MBD5: variants seen among roughly 807,000 people sequenced by gnomAD.
The protein encoded by MBD5 is methyl-CpG-binding domain protein 5.
MBD5 carries 13 observed loss-of-function variants against 117.3 expected under a neutral mutation model. That is an observed-to-expected ratio of 0.11 (90% CI 0.07 to 0.18). MBD5 has a LOEUF of 0.18. Ranked by LOEUF, MBD5 falls within the 10% of genes least tolerant of loss-of-function variation. The pLI, the probability that MBD5 is intolerant of heterozygous loss-of-function variation, is 1.00. For synonymous variants in MBD5, 727 were observed against 766.4 expected, an observed-to-expected ratio of 0.95 and a Z score of 0.85; for missense variants, 1,879 against 2,093.8, an observed-to-expected ratio of 0.90 and a Z score of 2.00.
intron 4 of MBD5, among the ~76,000 whole-genome samples, chr2:148,381,577 G>A (rs1349462399): frequency 6.6e-6 from 1 of 152,128 alleles, no homozygotes; most frequent in Non-Finnish European, 1.5e-5. Context: ...AGCAAGGCAG[G>A]CCAACATTCA....
chr2:148,079,623 C>T (rs945923143), intron 1 of MBD5, among the ~76,000 whole-genome samples: 9 of 114,428 alleles, frequency 7.9e-5, no homozygotes, highest in African/African-American at 3.5e-4. Context: ...CTTTGGGAGG[C>T]CTAGGCGGGT....
chr2:148,220,147 T>C (rs768101487), intron 2 of MBD5: 27 of 152,192 alleles, frequency 1.8e-4, no homozygotes, highest in Admixed American at 5.9e-4. Context: ...CTGTAGTTTA[T>C]ATAAATACTG....
At chr2:148,157,082 G>T (rs922499446) in intron 1 of MBD5, among the ~76,000 whole-genome samples, 2 of 151,912 alleles carry the variant, frequency 1.3e-5, no homozygotes, top group African/African-American at 2.4e-5. Context: ...AAATAATTTT[G>T]TAAGTTATTA....
At chr2:148,150,711 T>C (rs1035804921) in intron 1 of MBD5, among the ~76,000 whole-genome samples, 2 of 152,152 alleles carry the variant, frequency 1.3e-5, no homozygotes, top group African/African-American at 4.8e-5. Context: ...CAATTGTGAA[T>C]GGGAGTTCCC....
intron 4 of MBD5, among the ~76,000 whole-genome samples, chr2:148,439,032 C>T (rs1706237724): frequency 6.6e-6 from 1 of 152,102 alleles, no homozygotes; most frequent in Admixed American, 6.6e-5. Context: ...CAACCTGGCA[C>T]CCAAACACAT....
At chr2:148,451,661 A>G (rs1473060381) in intron 4 of MBD5, among the ~76,000 whole-genome samples, 3 of 152,156 alleles carry the variant, frequency 2.0e-5, no homozygotes, top group Admixed American at 2.0e-4. Context: ...TAGTAATGCT[A>G]TTATTTTTAA....
chr2:148,132,450 A>C (rs919578171), intron 1 of MBD5, among the ~76,000 whole-genome samples: 1 of 151,518 alleles, frequency 6.6e-6, no homozygotes, highest in African/African-American at 2.4e-5. Context: ...ATGAATCTTA[A>C]GTGAAGTACG....
At chr2:148,043,968 G>A (rs564926970) in intron 1 of MBD5, among the ~76,000 whole-genome samples, 1 of 152,212 alleles carries the variant, frequency 6.6e-6, no homozygotes, top group East Asian at 1.9e-4. Context: ...AATAATTGAG[G>A]TCGGATCCAG....
Position 148,483,105 on chromosome 2 carries a change from T to G in MBD5, c.2519-5T>G, listed in dbSNP as rs750649661. On this transcript the variant is annotated splice_polypyrimidine_tract_variant and splice_region_variant and intron_variant, in intron 8 of 13. Coordinates refer to ENST00000642680, the MANE Select transcript of MBD5 (RefSeq NM_001378120.1). ...GGTTTTGTGTTTTTTTTTTTTTCAT[T>G]TTAGGCGGTTCAGGACCATCATCCT... 1 of 1,609,436 alleles carries G rather than the reference T, an allele frequency of 6.2e-7. No individual in the cohort carries two copies. Among genetic ancestry groups the G allele is most frequent in the South Asian group, 1.1e-5 (1 of 90,916 alleles).
chr2:148,351,775 A>G (rs1236816529), intron 4 of MBD5, among the ~76,000 whole-genome samples: 1 of 152,044 alleles, frequency 6.6e-6, no homozygotes, highest in African/African-American at 2.4e-5. Flanking sequence ...TTCTCAGTGA[A>G]GAGTGCCTCC....
At chr2:148,446,315 T>C (rs1326063778) in intron 4 of MBD5, among the ~76,000 whole-genome samples, 1 of 152,038 alleles carries the variant, frequency 6.6e-6, no homozygotes, top group Non-Finnish European at 1.5e-5. Context: ...TTGTATGAGG[T>C]GTAAGGAAAA....
chr2:148,284,270 T>C (rs1701320654), intron 3 of MBD5, among the ~76,000 whole-genome samples: 1 of 152,256 alleles, frequency 6.6e-6, no homozygotes, highest in South Asian at 2.1e-4. Flanking sequence ...TTTCAATCTT[T>C]TGCTGATGTA....
intron 3 of MBD5, among the ~76,000 whole-genome samples, chr2:148,275,292 T>C (rs1701081872): frequency 6.6e-6 from 1 of 152,198 alleles, no homozygotes. Flanking sequence ...TTGCTTCCCC[T>C]CCATCCATTA....
intron 1 of MBD5, among the ~76,000 whole-genome samples, chr2:148,109,726 G>A (rs1238412163): frequency 2.0e-5 from 3 of 151,968 alleles, no homozygotes; most frequent in African/African-American, 7.3e-5. Flanking sequence ...TGTTTAAATG[G>A]TTACAAGTAA....
At chr2:148,204,834 A>G (rs529790174) in intron 2 of MBD5, among the ~76,000 whole-genome samples, 32 of 152,298 alleles carry the variant, frequency 2.1e-4, no homozygotes, top group African/African-American at 7.5e-4. Flanking sequence ...TGCCAATCAG[A>G]TATAAATAAA....
intron 1 of MBD5, among the ~76,000 whole-genome samples, chr2:148,031,547 G>A (rs570337881): frequency 4.5e-4 from 68 of 152,106 alleles, no homozygotes; most frequent in Non-Finnish European, 8.7e-4. Context: ...AGAGTAGCCT[G>A]GTAAATTAGG....
chr2:148,117,542 G>A (rs1696670584), intron 1 of MBD5, among the ~76,000 whole-genome samples: 1 of 151,934 alleles, frequency 6.6e-6, no homozygotes, highest in Non-Finnish European at 1.5e-5. Context: ...GCCAGTCCAG[G>A]ACATACCTAT....
intron 3 of MBD5, among the ~76,000 whole-genome samples, chr2:148,266,083 A>G (rs935127535): frequency 2.0e-5 from 3 of 152,202 alleles, no homozygotes; most frequent in Non-Finnish European, 4.4e-5. Context: ...GGCAAAGATA[A>G]TACAAGAAAG....
At chr2:148,024,096 A>G (rs912475415) in intron 1 of MBD5, among the ~76,000 whole-genome samples, 6 of 152,178 alleles carry the variant, frequency 3.9e-5, no homozygotes, top group African/African-American at 1.4e-4. Flanking sequence ...CCTTTGTCAG[A>G]AATGAAACTA....
Sources: gnomAD v4.1 joint callset for allele counts (sites outside exome capture counted in the v4.1 genomes callset) on GRCh38, gnomAD v4.1.1 for gene constraint, MANE v1.5 for transcripts, NCBI Gene and HGNC (gene_info 2026-07-23, HGNC 2026-07-21) for gene names.